DENND1A: variants seen among roughly 807,000 people sequenced by gnomAD.
DENND1A encodes DENN domain containing 1A.
A neutral mutation model predicts 113.7 loss-of-function variants in DENND1A; 51 were observed. That is an observed-to-expected ratio of 0.45 (90% CI 0.36 to 0.57). The LOEUF (loss-of-function observed/expected upper bound fraction) is 0.57. Among genes scored for constraint, DENND1A ranks in the 20% least tolerant of loss-of-function variants. DENND1A has a pLI of 0.00. For synonymous variants in DENND1A, 565 were observed against 570.8 expected, an observed-to-expected ratio of 0.99 and a Z score of 0.14; for missense variants, 1,258 against 1,395.9, an observed-to-expected ratio of 0.90 and a Z score of 1.57.
At chr9:123,671,428 C>A in intron 6 of DENND1A, 57 bp from the exon 7 acceptor site, 1 of 1,565,426 alleles carries the variant, frequency 6.4e-7, no homozygotes, top group Non-Finnish European at 8.8e-7. Context: ...TAGTAAGATA[C>A]CTGCAGGGAG....
intron 13 of DENND1A, among the ~76,000 whole-genome samples, chr9:123,488,818 GA>G (rs1407891867): frequency 6.6e-6 from 1 of 152,274 alleles, no homozygotes; most frequent in East Asian, 1.9e-4. Context: ...CGGTGCGCTT[GA>G]AAACAGGCAC....
intron 5 of DENND1A, among the ~76,000 whole-genome samples, chr9:123,717,385 C>G (rs903733952): frequency 4.6e-5 from 7 of 152,072 alleles, no homozygotes; most frequent in African/African-American, 1.7e-4. Flanking sequence ...TAACAATACT[C>G]TGAAGGGGAA....
intron 13 of DENND1A, among the ~76,000 whole-genome samples, chr9:123,541,475 C>G (rs2056285571): frequency 6.6e-6 from 1 of 152,154 alleles, no homozygotes; most frequent in Admixed American, 6.5e-5. Context: ...TCAAAACCTC[C>G]AGACCATTTT....
intron 2 of DENND1A, among the ~76,000 whole-genome samples, chr9:123,816,714 A>G (rs1336430246): frequency 1.3e-5 from 2 of 152,222 alleles, no homozygotes; most frequent in African/African-American, 4.8e-5. Context: ...ATAGGACCAA[A>G]TGCAATGTTA....
At chr9:123,595,988 C>A (rs1026167887) in intron 11 of DENND1A, among the ~76,000 whole-genome samples, 3 of 152,226 alleles carry the variant, frequency 2.0e-5, no homozygotes, top group Non-Finnish European at 4.4e-5. Flanking sequence ...AGGCTTCCCA[C>A]TGCTGCAGAC....
chr9:123,492,490 T>A (rs1214066756), intron 13 of DENND1A, among the ~76,000 whole-genome samples: 1 of 151,998 alleles, frequency 6.6e-6, no homozygotes, highest in African/African-American at 2.4e-5. Flanking sequence ...GTGAAGGGAA[T>A]TGAAAGTGGA....
At chr9:123,728,442 A>G (rs1042902023) in intron 5 of DENND1A, among the ~76,000 whole-genome samples, 4 of 129,614 alleles carry the variant, frequency 3.1e-5, no homozygotes, top group Admixed American at 9.9e-5. Flanking sequence ...GTGCCATTGC[A>G]CTCCTGCCTG....
At chr9:123,823,715 G>A (rs1026295661) in intron 2 of DENND1A, among the ~76,000 whole-genome samples, 2 of 152,124 alleles carry the variant, frequency 1.3e-5, no homozygotes, top group Non-Finnish European at 2.9e-5. Flanking sequence ...AGTGGGAAGT[G>A]GTGCAGGACT....
intron 13 of DENND1A, among the ~76,000 whole-genome samples, chr9:123,489,076 A>G (rs1293143280): frequency 2.6e-5 from 4 of 152,106 alleles, no homozygotes; most frequent in Non-Finnish European, 5.9e-5. Flanking sequence ...TCTGTTACAC[A>G]CACACACACA....
intron 3 of DENND1A, among the ~76,000 whole-genome samples, chr9:123,777,677 T>C (rs922485348): frequency 6.6e-6 from 1 of 152,208 alleles, no homozygotes. Flanking sequence ...TTTGGTAATA[T>C]ACCTAACCTT....
At chr9:123,575,046 G>A (rs1378047487) in intron 12 of DENND1A, among the ~76,000 whole-genome samples, 1 of 152,192 alleles carries the variant, frequency 6.6e-6, no homozygotes, top group Non-Finnish European at 1.5e-5. Flanking sequence ...GACCTTGACA[G>A]TTGTGAGAAA....
intron 19 of DENND1A, chr9:123,413,291 T>C (rs1451614601): frequency 2.0e-5 from 10 of 499,876 alleles, no homozygotes; most frequent in Non-Finnish European, 2.6e-5. Flanking sequence ...ATTGATTACA[T>C]GTTGAAATAA....
chr9:123,913,685 CA>C (rs1287682754), intron 1 of DENND1A, among the ~76,000 whole-genome samples: 1 of 150,610 alleles, frequency 6.6e-6, no homozygotes, highest in Non-Finnish European at 1.5e-5. Flanking sequence ...GTGGGTGGAT[CA>C]CCTGAGGTCA....
Position 123,535,400 on chromosome 9 carries a change from C to T in DENND1A, c.993+22170G>A, listed in dbSNP as rs535741951. ...GTTTGAGGCTGTGGTGAGCTATGAT[C>T]GTGCCACTGCACTCCAGCCTGGGTG... On this transcript the variant is annotated intron_variant, in intron 13 of 23. Coordinates refer to ENST00000394215, the MANE Select transcript of DENND1A (RefSeq NM_001352964.2). Among the ~76,000 whole-genome samples, 466 of 152,244 alleles carry T rather than the reference C, an allele frequency of 3.1e-3. 2 individuals carry two copies. Among genetic ancestry groups the T allele is most frequent in the Non-Finnish European group, 5.1e-3 (345 of 68,022 alleles).
chr9:123,707,971 T>C (rs1330234966), intron 5 of DENND1A, among the ~76,000 whole-genome samples: 3 of 152,154 alleles, frequency 2.0e-5, no homozygotes, highest in Non-Finnish European at 4.4e-5. Context: ...TGGAATCTAG[T>C]GCATGGATGC....
intron 1 of DENND1A, among the ~76,000 whole-genome samples, chr9:123,901,268 C>G (rs1031831848): frequency 6.6e-6 from 1 of 152,150 alleles, no homozygotes; most frequent in Non-Finnish European, 1.5e-5. Context: ...AGATGGTGCC[C>G]TGGACCAAGG....
intron 2 of DENND1A, among the ~76,000 whole-genome samples, chr9:123,847,103 A>G (rs1212007776): frequency 6.6e-6 from 1 of 152,224 alleles, no homozygotes; most frequent in African/African-American, 2.4e-5. Context: ...TTGGCCTCCC[A>G]AAGTGCTAGG....
chr9:123,843,168 T>A, intron 2 of DENND1A: 1 of 552,996 alleles, frequency 1.8e-6, no homozygotes, highest in East Asian at 4.9e-5. Context: ...GACATGGTTG[T>A]GCATATGTTC....
intron 10 of DENND1A, among the ~76,000 whole-genome samples, chr9:123,626,627 GAAC>G (rs962073053): frequency 2.6e-5 from 4 of 151,970 alleles, no homozygotes; most frequent in African/African-American, 9.7e-5. Context: ...GCTTTCATTT[GAAC>G]AACAACAAAC....
Sources: gnomAD v4.1 joint callset for allele counts (sites outside exome capture counted in the v4.1 genomes callset) on GRCh38, gnomAD v4.1.1 for gene constraint, MANE v1.5 for transcripts, NCBI Gene and HGNC (gene_info 2026-07-23, HGNC 2026-07-21) for gene names.